Variants in TTLL11 observed in about 807,000 individuals in gnomAD.
TTLL11 encodes the protein tubulin polyglutamylase TTLL11.
TTLL11 carries 42 observed loss-of-function variants against 51.7 expected under a neutral mutation model. That is an observed-to-expected ratio of 0.81 (90% confidence interval 0.64 to 1.05). The LOEUF is 1.05. TTLL11 is among the 50% of genes least tolerant of loss of function. TTLL11 has a pLI of 0.00. For synonymous variants in TTLL11, 381 were observed against 383.5 expected, an observed-to-expected ratio of 0.99 and a Z score of 0.08; for missense variants, 799 against 940.4, an observed-to-expected ratio of 0.85 and a Z score of 1.97.
intron 3 of TTLL11, among the ~76,000 whole-genome samples, chr9:122,008,898 G>A (rs1476220202): frequency 6.6e-6 from 1 of 152,152 alleles, no homozygotes; most frequent in Non-Finnish European, 1.5e-5. Flanking sequence ...GCAACAACTT[G>A]GATGAACCTG....
intron 2 of TTLL11, among the ~76,000 whole-genome samples, chr9:122,036,488 T>C (rs534848540): frequency 2.6e-5 from 4 of 151,876 alleles, no homozygotes; most frequent in Non-Finnish European, 5.9e-5. Flanking sequence ...ATCTACTTTC[T>C]TTAGACGTAT....
chr9:122,036,101 G>A (rs992101392), intron 2 of TTLL11, among the ~76,000 whole-genome samples: 7 of 152,068 alleles, frequency 4.6e-5, no homozygotes, highest in Admixed American at 6.5e-5. Context: ...GGGTTAGGTT[G>A]CCCGCCCTTG....
intron 1 of TTLL11, among the ~76,000 whole-genome samples, chr9:122,074,810 G>C (rs990497480): frequency 1.8e-4 from 28 of 151,832 alleles, no homozygotes; most frequent in African/African-American, 6.5e-4. Flanking sequence ...GAGGTAGGAG[G>C]ATGGTTTGAG....
chr9:121,922,829 A>C (rs148630413), intron 6 of TTLL11, among the ~76,000 whole-genome samples: 1,788 of 152,124 alleles, frequency 0.012, 36 homozygotes, highest in African/African-American at 0.038. Flanking sequence ...CCAAAGGTTA[A>C]GTGGACAAGG....
intron 2 of TTLL11, among the ~76,000 whole-genome samples, chr9:122,033,520 T>C (rs543210553): frequency 6.6e-6 from 1 of 152,306 alleles, no homozygotes; most frequent in East Asian, 1.9e-4. Flanking sequence ...GAAATGTGCT[T>C]GGCAAAGCTA....
chr9:121,918,366 CAT>C (rs994789904), intron 6 of TTLL11, among the ~76,000 whole-genome samples: 5 of 152,172 alleles, frequency 3.3e-5, no homozygotes, highest in Non-Finnish European at 5.9e-5. Flanking sequence ...GCCACTGGAA[CAT>C]GTGTCCCAAG....
chr9:121,858,772 G>A (rs986042415), intron 8 of TTLL11, among the ~76,000 whole-genome samples: 9 of 152,324 alleles, frequency 5.9e-5, no homozygotes, highest in African/African-American at 1.9e-4. Context: ...AGGGATTGTT[G>A]GCGCCATTTT....
chr9:121,948,378 T>C (rs1388701277), intron 6 of TTLL11, among the ~76,000 whole-genome samples: 2 of 152,166 alleles, frequency 1.3e-5, no homozygotes, highest in African/African-American at 4.8e-5. Flanking sequence ...AACCTCAATA[T>C]CACAGTGACA....
chr9:121,941,962 G>A (rs1359217898), intron 6 of TTLL11, among the ~76,000 whole-genome samples: 2 of 152,090 alleles, frequency 1.3e-5, no homozygotes, highest in Admixed American at 1.3e-4. Context: ...TGCAGAGATT[G>A]TTCAAGCCAT....
chr9:122,071,199 G>A (rs923933064), intron 1 of TTLL11, among the ~76,000 whole-genome samples: 1 of 152,096 alleles, frequency 6.6e-6, no homozygotes, highest in African/African-American at 2.4e-5. Context: ...GTCTCTTTAG[G>A]ATTTTACTTC....
At chr9:121,863,119 G>A (rs922730445) in intron 7 of TTLL11, among the ~76,000 whole-genome samples, 17 of 152,136 alleles carry the variant, frequency 1.1e-4, no homozygotes, top group East Asian at 1.9e-4. Flanking sequence ...CTCCTGCTCC[G>A]TATTTCAATC....
chr9:121,841,100 C>T (rs1197607584), intron 8 of TTLL11, among the ~76,000 whole-genome samples: 1 of 152,070 alleles, frequency 6.6e-6, no homozygotes, highest in Non-Finnish European at 1.5e-5. Context: ...AACCGTCTCA[C>T]CCATGGGCCT....
chr9:122,070,837 C>A (rs1246219465), intron 1 of TTLL11, among the ~76,000 whole-genome samples: 1 of 152,106 alleles, frequency 6.6e-6, no homozygotes, highest in Non-Finnish European at 1.5e-5. Flanking sequence ...GTATGGTGTA[C>A]ACGGGCACAG....
At chr9:121,869,661 G>T (rs1445051916) in intron 7 of TTLL11, among the ~76,000 whole-genome samples, 1 of 152,094 alleles carries the variant, frequency 6.6e-6, no homozygotes, top group Non-Finnish European at 1.5e-5. Flanking sequence ...CTTGTAAGAA[G>T]AAACTGACAT....
chr9:122,003,588 G>A (rs1483114764), intron 3 of TTLL11, among the ~76,000 whole-genome samples: 2 of 148,560 alleles, frequency 1.3e-5, no homozygotes, highest in Admixed American at 1.4e-4. Flanking sequence ...AGGTTCAAGC[G>A]ATTCTCCTTC....
chr9:122,034,440 C>G (rs1440806763), intron 2 of TTLL11, among the ~76,000 whole-genome samples: 1 of 152,238 alleles, frequency 6.6e-6, no homozygotes, highest in Non-Finnish European at 1.5e-5. Context: ...TTAAGAAGCA[C>G]CCCTGGAAGC....
At chr9:122,070,781 T>G (rs910105561) in intron 1 of TTLL11, among the ~76,000 whole-genome samples, 1 of 152,142 alleles carries the variant, frequency 6.6e-6, no homozygotes, top group African/African-American at 2.4e-5. Flanking sequence ...TGCAGCATCG[T>G]GCCAGGGTGT....
chr9:122,054,743 C>T (rs942426071), intron 1 of TTLL11, among the ~76,000 whole-genome samples: 1 of 152,190 alleles, frequency 6.6e-6, no homozygotes, highest in African/African-American at 2.4e-5. Context: ...TCTCTACTTC[C>T]TCACAGTTGG....
At chr9:121,990,944 G>A (rs1375964395) in intron 3 of TTLL11, among the ~76,000 whole-genome samples, 1 of 152,156 alleles carries the variant, frequency 6.6e-6, no homozygotes, top group Non-Finnish European at 1.5e-5. Flanking sequence ...GGTGCTTCCT[G>A]CAGCTATGGA....
Sources: allele counts gnomAD v4.1 joint callset (sites outside exome capture counted in the v4.1 genomes callset), GRCh38; gene constraint gnomAD v4.1.1; transcripts MANE v1.5; gene names NCBI Gene and HGNC (gene_info 2026-07-23, HGNC 2026-07-21).